ZNF286A: variants seen among roughly 807,000 people sequenced by gnomAD.
The protein encoded by ZNF286A is zinc finger protein ZNF286.
A neutral mutation model predicts 49.3 loss-of-function variants in ZNF286A; 34 were observed. The observed-to-expected ratio is 0.69, with a 90% CI of 0.52 to 0.92. The LOEUF is 0.92. Among genes scored for constraint, ZNF286A ranks in the 40% least tolerant of loss-of-function variants. The probability of loss-of-function intolerance (pLI) is 0.00; values close to 1 mark genes in which losing one functional copy is unlikely to be tolerated. For synonymous variants in ZNF286A, 155 were observed against 200.4 expected, an observed-to-expected ratio of 0.77 and a Z score of 1.91; for missense variants, 462 against 600.2, an observed-to-expected ratio of 0.77 and a Z score of 2.41.
At chr17:15,709,398 A>G (rs901663864) in intron 5 of ZNF286A, among the ~76,000 whole-genome samples, 5 of 151,786 alleles carry the variant, frequency 3.3e-5, no homozygotes, top group African/African-American at 1.2e-4. Flanking sequence ...AGGCTGAGGC[A>G]GGAGAATTGC....
chr17:15,708,250 G>T lies in ZNF286A; in HGVS notation c.334+3G>T. 1 of 1,575,362 alleles carries T rather than the reference G, an allele frequency of 6.3e-7. No individual in the cohort carries two copies. Among genetic ancestry groups the T allele is most frequent in the Non-Finnish European group, 8.6e-7 (1 of 1,161,398 alleles). ...AGCCCCCAAAAGCAGCTATTCAGGT[G>T]AGCCAGATAGATGGGAGTCTTCATA... is the stretch of plus-strand genomic sequence containing the variant. On this transcript the variant is annotated splice_donor_region_variant and intron_variant, in intron 5 of 5. Coordinates refer to ENST00000583566, the MANE Select transcript of ZNF286A (RefSeq NM_001130842.2).
chr17:15,709,428 G>A (rs2151467299), intron 5 of ZNF286A, among the ~76,000 whole-genome samples: 1 of 151,910 alleles, frequency 6.6e-6, no homozygotes, highest in Middle Eastern at 3.4e-3. Flanking sequence ...GGAGGCAGAG[G>A]TTGCAGTGAG....
At chr17:15,703,384 T>A (rs1250527723) in intron 3 of ZNF286A, among the ~76,000 whole-genome samples, 10 of 152,070 alleles carry the variant, frequency 6.6e-5, no homozygotes, top group Admixed American at 3.3e-4. Flanking sequence ...TATTAGATTT[T>A]AAAAATGCAA....
At chr17:15,707,951 G>GACCT (rs1203797725) in intron 4 of ZNF286A, among the ~76,000 whole-genome samples, 1 of 151,810 alleles carries the variant, frequency 6.6e-6, no homozygotes, top group Non-Finnish European at 1.5e-5. Context: ...CGGAGTTCGA[G>GACCT]ACCTGCCTGG....
rs1013278216 is a variant in ZNF286A, at chr17:15,719,095, A to G, written c.*1805A>G. The G allele has an allele frequency of 3.3e-5, 4 of 119,946 alleles. No individual in the cohort carries two copies. Among genetic ancestry groups the G allele is most frequent in the Non-Finnish European group, 5.2e-5 (3 of 57,692 alleles). 7.4% of individuals were successfully genotyped at this position (119,946 alleles called of 1,614,324 possible). On this transcript the variant is annotated 3_prime_UTR_variant, in exon 6 of 6. Coordinates refer to ENST00000583566, the MANE Select transcript of ZNF286A (RefSeq NM_001130842.2). ...CCCACATTGGGGATTACAATTAAAC[A>G]TGAGATTTGGGTGGGGATACAGATC...
At position 15,717,711 on chromosome 17, in the gene ZNF286A, A is replaced by G. The variant is rs1036064381; in HGVS notation, c.*421A>G. The stretch of plus-strand genomic sequence containing the variant: ...ATCATCAGGAAGACACAATGTTGTT[A>G]TTTATTACTCCTTGAGATCTAGATA... On this transcript the variant is annotated 3_prime_UTR_variant, in exon 6 of 6. Coordinates refer to ENST00000583566, the MANE Select transcript of ZNF286A (RefSeq NM_001130842.2). The G allele has an allele frequency of 1.2e-5, 2 of 163,746 alleles. No homozygotes were observed. The highest frequency in any genetic ancestry group is 4.8e-5 in the African/African-American group (2 of 41,372). 10.1% of individuals were successfully genotyped at this position (163,746 alleles called of 1,614,324 possible).
rs1989754383 is a variant in ZNF286A, at chr17:15,701,246, T to C, written c.126+6T>C. 1 of 1,613,748 alleles carries C rather than the reference T, an allele frequency of 6.2e-7. No individual in the cohort carries two copies. The highest frequency in any genetic ancestry group is 8.5e-7 in the Non-Finnish European group (1 of 1,179,908). On this transcript the variant is annotated splice_donor_region_variant and intron_variant, in intron 3 of 5. Coordinates refer to ENST00000583566, the MANE Select transcript of ZNF286A (RefSeq NM_001130842.2). Reference sequence around the variant, plus strand: ...GCCTCACGGCCAGATCCCAGGTGAGTGAGTGCTGATTATTGGAATTACACC... The same window carrying C: ...GCCTCACGGCCAGATCCCAGGTGAGCGAGTGCTGATTATTGGAATTACACC...
chr17:15,705,745 C>T (rs1022025301), intron 3 of ZNF286A, among the ~76,000 whole-genome samples: 3 of 152,280 alleles, frequency 2.0e-5, no homozygotes, highest in East Asian at 3.9e-4. Flanking sequence ...ATGTTCAATG[C>T]AGATATGTAT....
At chr17:15,702,819 A>C (rs577226173) in intron 3 of ZNF286A, among the ~76,000 whole-genome samples, 1 of 152,378 alleles carries the variant, frequency 6.6e-6, no homozygotes, top group South Asian at 2.1e-4. Context: ...TTGACTAACA[A>C]ACTGAAAAAT....
intron 5 of ZNF286A, among the ~76,000 whole-genome samples, chr17:15,708,723 G>A (rs1990429787): frequency 6.6e-6 from 1 of 152,130 alleles, no homozygotes; most frequent in Non-Finnish European, 1.5e-5. Flanking sequence ...ATACTCTTGT[G>A]TCTGGCTTCC....
At chr17:15,703,943 T>C (rs1446786937) in intron 3 of ZNF286A, among the ~76,000 whole-genome samples, 1 of 152,078 alleles carries the variant, frequency 6.6e-6, no homozygotes, top group Non-Finnish European at 1.5e-5. Context: ...GATTTAGTTA[T>C]GTATATGCAG....
intron 5 of ZNF286A, among the ~76,000 whole-genome samples, chr17:15,713,997 G>C (rs1169326797): frequency 6.6e-6 from 1 of 151,922 alleles, no homozygotes; most frequent in East Asian, 1.9e-4. Flanking sequence ...GGCTGGTTCA[G>C]CTCACAACTC....
At chr17:15,705,176 C>A (rs1335521354) in intron 3 of ZNF286A, among the ~76,000 whole-genome samples, 3 of 152,116 alleles carry the variant, frequency 2.0e-5, no homozygotes, top group Non-Finnish European at 2.9e-5. Context: ...AGAAGTGTTG[C>A]AAATAGCACA....
At chr17:15,712,833 C>T (rs1421410919) in intron 5 of ZNF286A, among the ~76,000 whole-genome samples, 2 of 152,060 alleles carry the variant, frequency 1.3e-5, no homozygotes, top group Non-Finnish European at 2.9e-5. Flanking sequence ...GCTGCCTTCA[C>T]GGTAACAGAC....
Position 15,712,151 on chromosome 17 carries a change from C to T in ZNF286A, c.334+3904C>T, listed in dbSNP as rs201347855. Among the ~76,000 whole-genome samples the T allele has an allele frequency of 6.2e-4, 94 of 152,320 alleles. No individual in the cohort carries two copies. The East Asian group carries it at 0.017, about 27-fold the overall frequency. On this transcript the variant is annotated intron_variant, in intron 5 of 5. Coordinates refer to ENST00000583566, the MANE Select transcript of ZNF286A (RefSeq NM_001130842.2). ...CCTCCCAAAGTGCTGGGATTACAGG[C>T]GTGAGCCACTGCGTCCAGCAATAAT...
intron 3 of ZNF286A, among the ~76,000 whole-genome samples, chr17:15,703,093 T>A (rs941462459): frequency 1.7e-4 from 26 of 152,320 alleles, no homozygotes; most frequent in Non-Finnish European, 3.2e-4. Context: ...CAAATTTAAG[T>A]GTAATTCTTT....
Position 15,709,817 on chromosome 17 carries a change from A to C in ZNF286A, c.334+1570A>C, listed in dbSNP as rs1237401267. ...AACAGTTTATTTTTTTTCTGTTAGC[A>C]GTTGCAGTGATCATCCTTTTTTTGA... On this transcript the variant is annotated intron_variant, in intron 5 of 5. Transcript: ENST00000583566. 1.9e-6 allele frequency: 3 copies of C among 1,547,108 alleles called. No individual in the cohort carries two copies. The Admixed American group carries it at 5.9e-5, about 30-fold the overall frequency.
At chr17:15,715,228 A>T (rs1360669372) in intron 5 of ZNF286A, among the ~76,000 whole-genome samples, 2 of 151,450 alleles carry the variant, frequency 1.3e-5, no homozygotes, top group African/African-American at 2.4e-5. Context: ...ATTTTTTTTT[A>T]AATGTAAGCA....
intron 5 of ZNF286A, among the ~76,000 whole-genome samples, chr17:15,715,011 TA>T (rs1405391511): frequency 1.3e-5 from 2 of 152,078 alleles, no homozygotes; most frequent in African/African-American, 4.8e-5. Context: ...TTTGCTCTTC[TA>T]TTTTACTCCT....
Sources: allele counts gnomAD v4.1 joint callset (sites outside exome capture counted in the v4.1 genomes callset), GRCh38; gene constraint gnomAD v4.1.1; transcripts MANE v1.5; gene names NCBI Gene and HGNC (gene_info 2026-07-23, HGNC 2026-07-21).